Variants in SCFD2 observed in about 807,000 individuals in gnomAD.
SCFD2 encodes sec1 family domain-containing protein 2.
A neutral mutation model predicts 58.9 loss-of-function variants in SCFD2; 54 were observed. The observed-to-expected ratio is 0.92, with a 90% CI of 0.74 to 1.15. SCFD2 has a LOEUF of 1.15. Ranked by LOEUF, SCFD2 falls within the 50% of genes most tolerant of loss-of-function variation. SCFD2 has a pLI of 0.00. For synonymous variants in SCFD2, 321 were observed against 335.9 expected, an observed-to-expected ratio of 0.96 and a Z score of 0.49; for missense variants, 805 against 836.6, an observed-to-expected ratio of 0.96 and a Z score of 0.47.
At chr4:52,952,820 C>G (rs551000792) in intron 5 of SCFD2, among the ~76,000 whole-genome samples, 28 of 152,160 alleles carry the variant, frequency 1.8e-4, no homozygotes, top group Non-Finnish European at 3.4e-4. Flanking sequence ...ATGTCACTTA[C>G]CTTCTCCCCC....
intron 5 of SCFD2, chr4:52,948,590 T>C: frequency 2.2e-6 from 1 of 454,368 alleles, no homozygotes; most frequent in Non-Finnish European, 4.4e-6. Context: ...AGTGGGGACA[T>C]GCCAAGTCTC....
intron 5 of SCFD2, among the ~76,000 whole-genome samples, chr4:53,058,961 C>T (rs1256682517): frequency 6.6e-6 from 1 of 152,124 alleles, no homozygotes; most frequent in Admixed American, 6.6e-5. Context: ...AGAAAACCAT[C>T]AAGTAGCATG....
chr4:53,356,080 A>G (rs1358433713), intron 1 of SCFD2, among the ~76,000 whole-genome samples: 1 of 152,136 alleles, frequency 6.6e-6, no homozygotes, highest in Non-Finnish European at 1.5e-5. Context: ...TGGAGGATCT[A>G]TTTCTCAGAT....
At chr4:52,938,999 C>T (rs929204008) in intron 5 of SCFD2, among the ~76,000 whole-genome samples, 4 of 152,144 alleles carry the variant, frequency 2.6e-5, no homozygotes, top group Admixed American at 1.3e-4. Flanking sequence ...TACCACTCCC[C>T]CTTTTACCTG....
chr4:52,955,865 C>T, intron 5 of SCFD2: 1 of 345,516 alleles, frequency 2.9e-6, no homozygotes, highest in Admixed American at 3.9e-5. Flanking sequence ...CCATTGCGTG[C>T]CCAAGTTAGC....
intron 4 of SCFD2, among the ~76,000 whole-genome samples, chr4:53,174,611 G>A (rs544525564): frequency 2.8e-4 from 42 of 152,262 alleles, no homozygotes; most frequent in African/African-American, 9.9e-4. Context: ...CTCCAAAAAT[G>A]CTGGTCTAAT....
In SCFD2 at chr4:53,238,679, G is replaced by A. The variant is rs535212476; in HGVS notation, c.1311+35147C>T. Among the ~76,000 whole-genome samples the A allele has an allele frequency of 9.9e-5, 15 of 151,508 alleles. No individual in the cohort carries two copies. In the East Asian group the frequency reaches 2.2e-3, roughly 22 times the overall value. On this transcript the variant is annotated intron_variant, in intron 4 of 8. Coordinates refer to ENST00000401642, the MANE Select transcript of SCFD2 (RefSeq NM_152540.4). ...GGGCAGAGATGCTCCTCACCTCCCA[G>A]ACGGGGTTGCGGCCGGGCAGAGGTG...
At chr4:53,140,169 C>T (rs1726085885) in intron 5 of SCFD2, among the ~76,000 whole-genome samples, 5 of 150,808 alleles carry the variant, frequency 3.3e-5, no homozygotes, top group Admixed American at 3.3e-4. Context: ...CCTGCCAAAT[C>T]CCCCTCTCCG....
chr4:53,205,134 G>A (rs1224948617), intron 4 of SCFD2, among the ~76,000 whole-genome samples: 1 of 152,062 alleles, frequency 6.6e-6, no homozygotes, highest in Non-Finnish European at 1.5e-5. Flanking sequence ...CCAACACAGG[G>A]TAGACGAAAA....
intron 4 of SCFD2, among the ~76,000 whole-genome samples, chr4:53,214,071 T>A (rs1278426680): frequency 4.6e-5 from 7 of 152,160 alleles, no homozygotes; most frequent in Non-Finnish European, 8.8e-5. Flanking sequence ...GACATTTCGG[T>A]TGATTTCAAG....
Position 52,969,428 on chromosome 4 carries a change from C to G in SCFD2, c.1562-48558G>C, listed in dbSNP as rs927296452. Among the ~76,000 whole-genome samples, 6 of 152,128 alleles carry G rather than the reference C, an allele frequency of 3.9e-5. No individual in the cohort carries two copies. The South Asian group carries it at 6.2e-4, about 16-fold the overall frequency. On this transcript the variant is annotated intron_variant, in intron 5 of 8. Coordinates refer to ENST00000401642, the MANE Select transcript of SCFD2 (RefSeq NM_152540.4). Reference sequence around the variant, plus strand: ...TGGTTTAGGAAATTAGAGTTCATGACAGAATAGAATATACTTATGGAACTC... The same window carrying G: ...TGGTTTAGGAAATTAGAGTTCATGAGAGAATAGAATATACTTATGGAACTC...
intron 5 of SCFD2, among the ~76,000 whole-genome samples, chr4:53,113,757 G>T (rs1725237525): frequency 6.6e-6 from 1 of 151,892 alleles, no homozygotes; most frequent in Admixed American, 6.6e-5. Flanking sequence ...TTGGACAAAT[G>T]AACACATTTA....
rs1191595806 is a variant in SCFD2 at position 53,365,408 on chromosome 4, T to C, written c.534A>G (p.Pro178=). 1.2e-6 allele frequency: 2 copies of C among 1,613,920 alleles called. No homozygotes were observed. The highest frequency in any genetic ancestry group is 1.7e-6 in the Non-Finnish European group (2 of 1,179,982). ...ALTPAFASLF[P]LLPQDVHLLN... is the part of the protein sequence containing the mutation. ...GGAGGTGCACATCCTGGGGTAGCAGTGGGAAAAGGGATGCAAAAGCTGGAG... is the reference window on the plus strand; with the variant it reads ...GGAGGTGCACATCCTGGGGTAGCAGCGGGAAAAGGGATGCAAAAGCTGGAG... The change falls in exon 1 of 9, where the codon CCA becomes CCG. Residue 178 remains proline, a synonymous_variant. Coordinates refer to ENST00000401642, the MANE Select transcript of SCFD2 (RefSeq NM_152540.4). This position sits in a 1 kb window ranked among gnomAD's most constrained non-coding sequence, Gnocchi z 4.3.
intron 4 of SCFD2, among the ~76,000 whole-genome samples, chr4:53,237,943 C>T (rs1248452286): frequency 3.2e-5 from 4 of 124,326 alleles, no homozygotes; most frequent in African/African-American, 9.2e-5. Context: ...GGGCGGCTGG[C>T]CGGGCGAGGG....
chr4:53,251,577 A>G (rs1730382460), intron 4 of SCFD2, among the ~76,000 whole-genome samples: 1 of 152,252 alleles, frequency 6.6e-6, no homozygotes, highest in Non-Finnish European at 1.5e-5. Flanking sequence ...GGCTGGTTCA[A>G]TATATGAAAA....
In SCFD2 at chr4:53,012,814, CTGTGTG is replaced by C. The variant is rs533768079; in HGVS notation, c.1562-91950_1562-91945del. ...CCTCCCTCTCCCTCTCCCCTCCTTTCTGTGTGTGTGTGTGTGTGTGTGTTTTTTTTT... is the reference window on the plus strand; with the variant it reads ...CCTCCCTCTCCCTCTCCCCTCCTTTCTGTGTGTGTGTGTGTGTTTTTTTTT... On this transcript the variant is annotated intron_variant, in intron 5 of 8. Transcript: ENST00000401642. Among the ~76,000 whole-genome samples the C allele has an allele frequency of 3.4e-3, 495 of 146,236 alleles. 3 individuals carry two copies. Among genetic ancestry groups the C allele is most frequent in the African/African-American group, 0.012 (468 of 39,240 alleles).
At chr4:53,236,400 G>GTA (rs1376357937) in intron 4 of SCFD2, among the ~76,000 whole-genome samples, 151 of 149,962 alleles carry the variant, frequency 1.0e-3, no homozygotes, top group African/African-American at 3.5e-3. Context: ...AAGTGTGTGT[G>GTA]TATATATATA....
intron 2 of SCFD2, among the ~76,000 whole-genome samples, chr4:53,320,416 A>G (rs1732990811): frequency 6.6e-6 from 1 of 152,230 alleles, no homozygotes; most frequent in African/African-American, 2.4e-5. Flanking sequence ...CAGGAGTTGG[A>G]GACCAGCCTG....
chr4:53,322,595 C>T (rs1157833171), intron 2 of SCFD2, among the ~76,000 whole-genome samples: 1 of 152,160 alleles, frequency 6.6e-6, no homozygotes, highest in Non-Finnish European at 1.5e-5. Flanking sequence ...TTAATAATTT[C>T]CTCTTAGAAA....
Sources: allele counts gnomAD v4.1 joint callset (sites outside exome capture counted in the v4.1 genomes callset), GRCh38; gene constraint gnomAD v4.1.1; non-coding constraint Gnocchi (gnomAD v3.1); transcripts MANE v1.5; gene names NCBI Gene and HGNC (gene_info 2026-07-23, HGNC 2026-07-21).